The following GRID2 variants were observed in gnomAD, a reference collection of about 807,000 sequenced individuals.
GRID2 encodes glutamate ionotropic receptor delta type subunit 2, also known as glutamate receptor ionotropic, delta-2.
A neutral mutation model predicts 114.8 loss-of-function variants in GRID2; 33 were observed. The ratio of observed to expected loss-of-function variants is 0.29; its 90% confidence interval spans 0.22 to 0.38. GRID2 has a LOEUF of 0.38. Among genes scored for constraint, GRID2 ranks in the 10% least tolerant of loss-of-function variants. GRID2 has a pLI of 1.00. For synonymous variants in GRID2, 505 were observed against 449.9 expected, an observed-to-expected ratio of 1.12 and a Z score of -1.55; for missense variants, 1,184 against 1,257.7, an observed-to-expected ratio of 0.94 and a Z score of 0.89.
chr4:92,904,376 ATAT>A (rs956452603), intron 2 of GRID2, among the ~76,000 whole-genome samples: 48 of 151,266 alleles, frequency 3.2e-4, no homozygotes, highest in African/African-American at 1.2e-3. Context: ...ATAAATGTAA[ATAT>A]TATCTTGATA....
intron 9 of GRID2, among the ~76,000 whole-genome samples, chr4:93,396,498 T>A (rs1473201946): frequency 6.6e-6 from 1 of 151,968 alleles, no homozygotes; most frequent in Admixed American, 6.6e-5. Flanking sequence ...GTCAGTGGGA[T>A]GGTGTGAGAT....
chr4:92,890,640 T>C (rs1380672476), intron 2 of GRID2, among the ~76,000 whole-genome samples: 2 of 152,014 alleles, frequency 1.3e-5, no homozygotes, highest in Admixed American at 1.3e-4. Context: ...TGAGGAGAAA[T>C]AGGAATGCTT....
intron 2 of GRID2, among the ~76,000 whole-genome samples, chr4:92,830,914 C>T (rs1180013959): frequency 1.3e-5 from 2 of 152,146 alleles, no homozygotes; most frequent in Non-Finnish European, 2.9e-5. Context: ...ACCCTTCTCT[C>T]AGACAGCCAT....
At chr4:93,060,148 T>C (rs1389117617) in intron 2 of GRID2, among the ~76,000 whole-genome samples, 1 of 152,138 alleles carries the variant, frequency 6.6e-6, no homozygotes, top group Non-Finnish European at 1.5e-5. Context: ...AAAACCTCCC[T>C]GCGTGTGTAA....
At chr4:92,312,936 C>T (rs1486729812) in intron 1 of GRID2, among the ~76,000 whole-genome samples, 1 of 152,034 alleles carries the variant, frequency 6.6e-6, no homozygotes, top group Admixed American at 6.6e-5. Flanking sequence ...AACCCCACTA[C>T]TGGATATCTA....
intron 12 of GRID2, among the ~76,000 whole-genome samples, chr4:93,506,224 G>C (rs1352748947): frequency 6.6e-6 from 1 of 152,092 alleles, no homozygotes; most frequent in Admixed American, 6.6e-5. Context: ...CCACATGGTG[G>C]GTAGGGCTGA....
intron 2 of GRID2, among the ~76,000 whole-genome samples, chr4:92,965,471 AAAAAAAAAAAAAAAAAAAC>A (rs1422639145): frequency 3.0e-4 from 17 of 57,622 alleles, no homozygotes; most frequent in African/African-American, 9.2e-4. Flanking sequence ...AAAAAAAAAA[AAAAAAAAAAAAAAAAAAAC>A]ACACAACATC....
At chr4:92,938,635 A>G (rs1340883476) in intron 2 of GRID2, among the ~76,000 whole-genome samples, 1 of 146,352 alleles carries the variant, frequency 6.8e-6, no homozygotes, top group African/African-American at 2.4e-5. Flanking sequence ...ACATATGTAT[A>G]CATGTACCAT....
chr4:93,298,078 G>T (rs953878590), intron 8 of GRID2, among the ~76,000 whole-genome samples: 1 of 152,078 alleles, frequency 6.6e-6, no homozygotes, highest in Non-Finnish European at 1.5e-5. Flanking sequence ...GTTTAATAAT[G>T]CTTTTAGGAT....
At chr4:92,464,597 A>G (rs922637835) in intron 1 of GRID2, among the ~76,000 whole-genome samples, 1 of 152,128 alleles carries the variant, frequency 6.6e-6, no homozygotes, top group Non-Finnish European at 1.5e-5. Context: ...AAGGTAATAC[A>G]TGACTTCAGT....
chr4:93,573,197 A>G (rs1385697808), intron 13 of GRID2, among the ~76,000 whole-genome samples: 3 of 152,192 alleles, frequency 2.0e-5, no homozygotes, highest in African/African-American at 7.2e-5. Flanking sequence ...TACCTGTCAG[A>G]CTTTGCACAT....
At position 92,574,602 on chromosome 4, in the gene GRID2, A is replaced by G. The variant is rs1468275331; in HGVS notation, c.89-15529A>G. Among the ~76,000 whole-genome samples the G allele has an allele frequency of 2.6e-5, 4 of 152,192 alleles. No homozygotes were observed. In the East Asian group the frequency reaches 5.8e-4, roughly 22 times the overall value. ...TTTTTGAAGCTGAGTTTGTCCAGATATGAAATTCTAGATTGGAAATTCTGT... is the reference window on the plus strand; with the variant it reads ...TTTTTGAAGCTGAGTTTGTCCAGATGTGAAATTCTAGATTGGAAATTCTGT... On this transcript the variant is annotated intron_variant, in intron 1 of 15. Coordinates refer to ENST00000282020, the MANE Select transcript of GRID2 (RefSeq NM_001510.4).
At chr4:92,805,206 T>A in intron 2 of GRID2, among the ~76,000 whole-genome samples, 1 of 152,000 alleles carries the variant, frequency 6.6e-6, no homozygotes, top group Middle Eastern at 3.2e-3. Flanking sequence ...TATTTCTCTT[T>A]TACCAAATTT....
intron 7 of GRID2, among the ~76,000 whole-genome samples, chr4:93,225,302 A>G (rs1745362887): frequency 6.6e-6 from 1 of 152,072 alleles, no homozygotes; most frequent in Non-Finnish European, 1.5e-5. Flanking sequence ...TGTGTTGCTT[A>G]TTCCAGCTGT....
intron 2 of GRID2, among the ~76,000 whole-genome samples, chr4:92,683,292 C>G (rs534937764): frequency 1.3e-5 from 2 of 151,860 alleles, no homozygotes; most frequent in South Asian, 4.2e-4. Context: ...GAGTGAGACT[C>G]CATATCAGAA....
At chr4:92,871,034 T>A (rs1745235810) in intron 2 of GRID2, among the ~76,000 whole-genome samples, 1 of 152,118 alleles carries the variant, frequency 6.6e-6, no homozygotes, top group South Asian at 2.1e-4. Flanking sequence ...TATTTTCTCC[T>A]TCTCTCCCCC....
At chr4:92,800,312 GAGAA>G (rs1182471081) in intron 2 of GRID2, among the ~76,000 whole-genome samples, 1 of 151,128 alleles carries the variant, frequency 6.6e-6, no homozygotes, top group Admixed American at 6.6e-5. Context: ...ATTAACAAAA[GAGAA>G]AGGAAGGAAG....
chr4:92,304,963 G>C (rs1181499470), intron 1 of GRID2, among the ~76,000 whole-genome samples: 2 of 152,104 alleles, frequency 1.3e-5, no homozygotes, highest in Non-Finnish European at 2.9e-5. Flanking sequence ...GCAGTGATTC[G>C]TGGAATGTGG....
At chr4:93,131,052 T>A (rs952601979) in intron 4 of GRID2, among the ~76,000 whole-genome samples, 5 of 152,092 alleles carry the variant, frequency 3.3e-5, no homozygotes, top group African/African-American at 1.2e-4. Flanking sequence ...AAAGTAAAGA[T>A]TTTTTTCTTA....
Sources: allele counts gnomAD v4.1 joint callset (sites outside exome capture counted in the v4.1 genomes callset), GRCh38; gene constraint gnomAD v4.1.1; transcripts MANE v1.5; gene names NCBI Gene and HGNC (gene_info 2026-07-23, HGNC 2026-07-21).